Variants in ATP13A4 observed in about 807,000 individuals in gnomAD.
The protein encoded by ATP13A4 is probable cation-transporting ATPase 13A4.
Under a neutral mutation model 142.5 loss-of-function variants are expected in ATP13A4, and 114 were observed. That is an observed-to-expected ratio of 0.80 (90% confidence interval 0.69 to 0.93). The LOEUF (loss-of-function observed/expected upper bound fraction) is 0.93, where lower values mean the gene tolerates loss of function less well. Among genes scored for constraint, ATP13A4 ranks in the 40% least tolerant of loss-of-function variants. The probability of loss-of-function intolerance (pLI) is 0.00; values close to 1 mark genes in which losing one functional copy is unlikely to be tolerated. For missense variants in ATP13A4, 1,392 were observed against 1,454.0 expected (o/e 0.96, Z 0.69); for synonymous variants, 488 against 514.8 (o/e 0.95, Z 0.70).
chr3:193,523,299 C>T (rs1351044323), intron 1 of ATP13A4, among the ~76,000 whole-genome samples: 14 of 150,636 alleles, frequency 9.3e-5, no homozygotes, highest in South Asian at 6.3e-4. Context: ...AGTGAAACTC[C>T]GTCTCAAAAA....
At chr3:193,506,534 G>A (rs1214848042) in intron 2 of ATP13A4, among the ~76,000 whole-genome samples, 1 of 152,150 alleles carries the variant, frequency 6.6e-6, no homozygotes, top group Non-Finnish European at 1.5e-5. Context: ...TGTACTTTCT[G>A]ACCCTGGAAA....
chr3:193,502,451 T>C (rs769731352), intron 3 of ATP13A4, 42 bp downstream of exon 3: 12 of 1,601,822 alleles, frequency 7.5e-6, no homozygotes, highest in Non-Finnish European at 9.4e-6. Flanking sequence ...GGGAAAAAGA[T>C]TAAATCTCTC....
At chr3:193,487,262 G>C (rs1356463490) in intron 7 of ATP13A4, among the ~76,000 whole-genome samples, 1 of 152,010 alleles carries the variant, frequency 6.6e-6, no homozygotes, top group East Asian at 1.9e-4. Context: ...CCACTGCAGG[G>C]GGACCATAAC....
chr3:193,458,798 AATTAT>A (rs1717782922), intron 14 of ATP13A4: 1 of 599,752 alleles, frequency 1.7e-6, no homozygotes, highest in South Asian at 2.1e-5. Flanking sequence ...TAATAAGTAC[AATTAT>A]ATTAATATGA....
intron 1 of ATP13A4, among the ~76,000 whole-genome samples, chr3:193,542,678 A>T: frequency 6.6e-6 from 1 of 152,194 alleles, no homozygotes; most frequent in East Asian, 1.9e-4. Flanking sequence ...TACACCACAC[A>T]TCTACGTCCA....
chr3:193,416,002 T>C (rs958933874), intron 25 of ATP13A4, among the ~76,000 whole-genome samples: 4 of 152,134 alleles, frequency 2.6e-5, no homozygotes, highest in African/African-American at 4.8e-5. Context: ...TGGCAAAGTG[T>C]TGAATAAGTA....
chr3:193,484,152 T>C (rs1342367606), intron 7 of ATP13A4, 147 bp from the exon 8 acceptor site: 1 of 674,576 alleles, frequency 1.5e-6, no homozygotes, highest in African/African-American at 1.8e-5. Flanking sequence ...GACTAAGTAC[T>C]CATTATTTAA....
rs1222305409 is a variant in ATP13A4 at position 193,448,155 on chromosome 3, C to A, written c.2152+51G>T. ...CATTTATTAAATGAGTGAACCATGT[C>A]TATTTCCACATCAAATTCTTACTGT... is the stretch of plus-strand genomic sequence containing the variant. On this transcript the variant is annotated intron_variant, in intron 18 of 29. Coordinates refer to ENST00000342695, the MANE Select transcript of ATP13A4 (RefSeq NM_032279.4). The A allele has an allele frequency of 1.9e-6, 3 of 1,606,784 alleles. No individual in the cohort carries two copies. In the African/African-American group the frequency reaches 4.0e-5, roughly 21 times the overall value.
At chr3:193,465,618 G>T (rs192061277) in intron 11 of ATP13A4, among the ~76,000 whole-genome samples, 80 of 152,206 alleles carry the variant, frequency 5.3e-4, no homozygotes, top group Middle Eastern at 6.8e-3. Flanking sequence ...GATTTATATT[G>T]TTACCAGCAA....
intron 22 of ATP13A4, among the ~76,000 whole-genome samples, chr3:193,438,804 A>C (rs1716452926): frequency 6.6e-6 from 1 of 152,214 alleles, no homozygotes; most frequent in South Asian, 2.1e-4. Flanking sequence ...GTGTAGCCTG[A>C]ACTAACCATT....
intron 23 of ATP13A4, among the ~76,000 whole-genome samples, chr3:193,436,813 T>A (rs1716298157): frequency 1.3e-5 from 2 of 149,116 alleles, no homozygotes; most frequent in East Asian, 4.2e-4. Context: ...TGTTAAAACC[T>A]GATCCCCGGG....
At chr3:193,524,520 G>A (rs974295571) in intron 1 of ATP13A4, among the ~76,000 whole-genome samples, 4 of 152,312 alleles carry the variant, frequency 2.6e-5, no homozygotes, top group Admixed American at 2.6e-4. Context: ...AAGACAATAA[G>A]AGCATACAGA....
chr3:193,462,965 T>C (rs1718041723), intron 12 of ATP13A4, 142 bp from the exon 13 acceptor site: 1 of 742,834 alleles, frequency 1.3e-6, no homozygotes, highest in South Asian at 1.6e-5. Flanking sequence ...GGCAACATAA[T>C]GAAACCACCT....
intron 12 of ATP13A4, among the ~76,000 whole-genome samples, chr3:193,463,804 T>A (rs1429591659): frequency 6.6e-6 from 1 of 152,190 alleles, no homozygotes; most frequent in Non-Finnish European, 1.5e-5. Flanking sequence ...GATCACAAAA[T>A]AATATACAAA....
intron 28 of ATP13A4, among the ~76,000 whole-genome samples, chr3:193,408,934 C>T (rs1304675918): frequency 1.3e-5 from 2 of 152,140 alleles, no homozygotes; most frequent in Non-Finnish European, 2.9e-5. Context: ...TCATCTACAT[C>T]TCAGAAGACC....
At chr3:193,443,829 A>C (rs946907863) in intron 18 of ATP13A4, among the ~76,000 whole-genome samples, 1 of 152,218 alleles carries the variant, frequency 6.6e-6, no homozygotes, top group African/African-American at 2.4e-5. Context: ...GAATTAAAAA[A>C]TATAATACCT....
intron 8 of ATP13A4, among the ~76,000 whole-genome samples, chr3:193,483,360 T>C (rs1488401892): frequency 6.6e-6 from 1 of 152,204 alleles, no homozygotes; most frequent in Non-Finnish European, 1.5e-5. Context: ...GATAGTTTCA[T>C]GGGAATATAC....
intron 1 of ATP13A4, among the ~76,000 whole-genome samples, chr3:193,521,356 A>C (rs944725687): frequency 1.3e-5 from 2 of 152,232 alleles, no homozygotes; most frequent in African/African-American, 4.8e-5. Flanking sequence ...TTTGCAATTG[A>C]CTTGGAGAGA....
At chr3:193,485,067 T>C (rs1274647662) in intron 7 of ATP13A4, among the ~76,000 whole-genome samples, 1 of 151,508 alleles carries the variant, frequency 6.6e-6, no homozygotes, top group African/African-American at 2.4e-5. Context: ...TGTTCTGAGG[T>C]TCGAAAAAAA....
Sources: allele counts gnomAD v4.1 joint callset (sites outside exome capture counted in the v4.1 genomes callset), GRCh38; gene constraint gnomAD v4.1.1; transcripts MANE v1.5; gene names NCBI Gene and HGNC (gene_info 2026-07-23, HGNC 2026-07-21).